SESN3: variants seen among roughly 807,000 people sequenced by gnomAD.
SESN3 encodes the protein sestrin-3.
In SESN3, 21 loss-of-function variants were observed where a neutral mutation model predicts 55.3. The ratio of observed to expected loss-of-function variants is 0.38; its 90% confidence interval spans 0.27 to 0.55. The LOEUF (loss-of-function observed/expected upper bound fraction) is 0.55. Among genes scored for constraint, SESN3 ranks in the 20% least tolerant of loss-of-function variants. SESN3 has a pLI of 0.76. For missense variants in SESN3, 408 were observed against 604.3 expected (o/e 0.68, Z 3.41); for synonymous variants, 181 against 203.1 (o/e 0.89, Z 0.93).
Position 95,166,627 on chromosome 11 carries a change from AC to A in SESN3, c.*6627del, listed in dbSNP as rs1859754433. The A allele has an allele frequency of 1.3e-5, 2 of 152,198 alleles. No homozygotes were observed. Among genetic ancestry groups the A allele is most frequent in the Non-Finnish European group, 2.9e-5 (2 of 68,030 alleles). The allele number at this position is 152,198 out of a possible 1,614,324, so 9.4% of individuals were successfully genotyped here. ...AAAAGATGCGTCCAGTTCTTCCATG[AC>A]CAGGAAAGTTATTTTCAGGCTTAAA... On this transcript the variant is annotated 3_prime_UTR_variant, in exon 10 of 10. Coordinates refer to ENST00000536441, the MANE Select transcript of SESN3 (RefSeq NM_144665.4).
intron 1 of SESN3, among the ~76,000 whole-genome samples, chr11:95,196,722 C>T (rs186041605): frequency 3.9e-5 from 6 of 152,342 alleles, no homozygotes; most frequent in Non-Finnish European, 7.3e-5. Context: ...TCGGCAGCCA[C>T]ATAGGACCAC....
chr11:95,217,510 G>C (rs1008426972), intron 1 of SESN3, among the ~76,000 whole-genome samples: 4 of 151,948 alleles, frequency 2.6e-5, no homozygotes, highest in African/African-American at 9.7e-5. Context: ...AAATTAGCCG[G>C]GCACGGTGGT....
chr11:95,184,365 T>C (rs1860122764), intron 6 of SESN3, 55 bp downstream of exon 6: 8 of 1,436,080 alleles, frequency 5.6e-6, no homozygotes, highest in East Asian at 2.3e-5. Flanking sequence ...AACACTGAAG[T>C]TGCCCTGTCA....
intron 1 of SESN3, among the ~76,000 whole-genome samples, chr11:95,223,058 CAG>C (rs989243890): frequency 1.3e-5 from 2 of 152,080 alleles, no homozygotes; most frequent in African/African-American, 4.8e-5. Context: ...TCTAATCAGA[CAG>C]AGTAAATAGG....
At chr11:95,207,488 T>A (rs1191801974) in intron 1 of SESN3, among the ~76,000 whole-genome samples, 1 of 151,548 alleles carries the variant, frequency 6.6e-6, no homozygotes, top group Non-Finnish European at 1.5e-5. Context: ...CCGTGGGGCC[T>A]TTTTGCATTA....
intron 1 of SESN3, among the ~76,000 whole-genome samples, chr11:95,194,392 A>G (rs1286906360): frequency 6.6e-6 from 1 of 152,052 alleles, no homozygotes; most frequent in Non-Finnish European, 1.5e-5. Flanking sequence ...TTACAAAACA[A>G]ATTGGTGAAA....
intron 1 of SESN3, among the ~76,000 whole-genome samples, chr11:95,209,844 C>T (rs1039497007): frequency 1.3e-5 from 2 of 150,286 alleles, no homozygotes; most frequent in African/African-American, 4.9e-5. Flanking sequence ...TGGCGAAACC[C>T]CGTCTCTACT....
At position 95,173,179 on chromosome 11, in the gene SESN3, A is replaced by C. The variant is rs1211064154; in HGVS notation, c.*76T>G. The C allele has an allele frequency of 1.2e-6, 1 of 814,370 alleles. No individual in the cohort carries two copies. Among genetic ancestry groups the C allele is most frequent in the East Asian group, 2.5e-5 (1 of 40,234 alleles). The allele number at this position is 814,370 out of a possible 1,614,324, so 50.4% of individuals were successfully genotyped here. A position where few individuals can be genotyped will look rare whatever the true frequency, so the allele number is the denominator to read the frequency against. On this transcript the variant is annotated 3_prime_UTR_variant, in exon 10 of 10. Transcript: ENST00000536441. ...AGAGAACTGAATAATTTTTGATGCT[A>C]TATCACAAATAGCTTCAATGTTTAT...
chr11:95,227,453 C>T (rs1471811214), intron 1 of SESN3, among the ~76,000 whole-genome samples: 3 of 152,092 alleles, frequency 2.0e-5, no homozygotes, highest in Non-Finnish European at 4.4e-5. Context: ...ATCTGCCCAC[C>T]TTGGCCTCCC....
chr11:95,174,255 A>C (rs1859911734), intron 9 of SESN3, among the ~76,000 whole-genome samples: 1 of 152,226 alleles, frequency 6.6e-6, no homozygotes, highest in South Asian at 2.1e-4. Flanking sequence ...TCAAGCTTCG[A>C]AACTGTTGTA....
chr11:95,218,739 C>T (rs891674192), intron 1 of SESN3, among the ~76,000 whole-genome samples: 3 of 151,430 alleles, frequency 2.0e-5, no homozygotes, highest in Non-Finnish European at 2.9e-5. Flanking sequence ...CAAGCTCCGC[C>T]TCCCGGGTTC....
In SESN3 at chr11:95,178,167, A is replaced by G. The variant is rs1291307275; in HGVS notation, c.1057-258T>C. On this transcript the variant is annotated intron_variant, in intron 7 of 9. Transcript: ENST00000536441. ...TCTCCTACACTCAGGTACTACGCAC[A>G]CTATCCTTTTATCTGGAAGGGCCCC... Among the ~76,000 whole-genome samples the G allele has an allele frequency of 2.6e-5, 4 of 152,180 alleles. No individual in the cohort carries two copies. The East Asian group carries it at 7.7e-4, about 29-fold the overall frequency.
At chr11:95,200,164 G>A (rs555814315) in intron 1 of SESN3, among the ~76,000 whole-genome samples, 2 of 151,938 alleles carry the variant, frequency 1.3e-5, no homozygotes, top group African/African-American at 4.8e-5. Flanking sequence ...CAACAACAAC[G>A]ACAAAAAAGT....
intron 1 of SESN3, among the ~76,000 whole-genome samples, chr11:95,216,884 G>A (rs11021081): frequency 0.26 from 39,518 of 151,752 alleles, 5,826 homozygotes; most frequent in Non-Finnish European, 0.32. Context: ...GAGGCAGGTG[G>A]ATTATGAGGT....
chr11:95,207,365 C>T lies in SESN3; in HGVS notation c.79-13843G>A, dbSNP rs137923468. 4.6e-4 allele frequency among the ~76,000 whole-genome samples: 70 copies of T among 151,426 alleles called. 2 individuals are homozygous for T. The highest frequency in any genetic ancestry group is 1.6e-3 in the African/African-American group (66 of 41,298). ...CCTGAATGCTAGAGGTAAGGTGATA[C>T]GATGAAAAAGGTACTAAAACCTGAG... On this transcript the variant is annotated intron_variant, in intron 1 of 9. Transcript: ENST00000536441.
At chr11:95,173,471 C>A in intron 9 of SESN3, 130 bp from the exon 10 acceptor site, 2 of 473,644 alleles carry the variant, frequency 4.2e-6, no homozygotes, top group Non-Finnish European at 7.7e-6. Flanking sequence ...GCATATTTAT[C>A]CATGTTCATG....
At chr11:95,174,465 A>C (rs1483023792) in intron 9 of SESN3, among the ~76,000 whole-genome samples, 2 of 152,168 alleles carry the variant, frequency 1.3e-5, no homozygotes, top group African/African-American at 2.4e-5. Flanking sequence ...ACACTAAATT[A>C]CCAAGTTTGG....
rs542742332 is a variant in SESN3, at chr11:95,177,714, C to T, written c.1247+5G>A. The T allele has an allele frequency of 1.3e-6, 2 of 1,599,072 alleles. No homozygotes were observed. Among genetic ancestry groups the T allele is most frequent in the African/African-American group, 2.7e-5 (2 of 73,872 alleles). ...TGTAAAAAACTGTCTCTACAATGAA[C>T]ATACCTGATTCCAAACATACAGTGA... On this transcript the variant is annotated splice_donor_5th_base_variant and intron_variant, in intron 8 of 9. Transcript: ENST00000536441.
At chr11:95,209,100 C>A (rs1174014600) in intron 1 of SESN3, among the ~76,000 whole-genome samples, 8 of 151,378 alleles carry the variant, frequency 5.3e-5, no homozygotes, top group African/African-American at 1.9e-4. Flanking sequence ...AGCTTCTGCA[C>A]AGCAAAAGAA....
Sources: allele counts gnomAD v4.1 joint callset (sites outside exome capture counted in the v4.1 genomes callset), GRCh38; gene constraint gnomAD v4.1.1; transcripts MANE v1.5; gene names NCBI Gene and HGNC (gene_info 2026-07-23, HGNC 2026-07-21).